STPG2: variants seen among roughly 807,000 people sequenced by gnomAD.
The protein encoded by STPG2 is sperm-tail PG-rich repeat-containing protein 2.
In STPG2, 56 loss-of-function variants were observed where a neutral mutation model predicts 54.2. The ratio of observed to expected loss-of-function variants is 1.03; its 90% CI spans 0.83 to 1.29. The LOEUF (loss-of-function observed/expected upper bound fraction) is 1.29. Ranked by LOEUF, STPG2 falls within the 50% of genes most tolerant of loss-of-function variation. STPG2 has a pLI of 0.00. For missense variants in STPG2, 596 were observed against 544.9 expected, an observed-to-expected ratio of 1.09 and a Z score of -0.93; for synonymous variants, 200 against 181.8, an observed-to-expected ratio of 1.10 and a Z score of -0.81.
At chr4:97,472,168 A>C (rs1027486999) in intron 4 of STPG2, among the ~76,000 whole-genome samples, 1 of 152,250 alleles carries the variant, frequency 6.6e-6, no homozygotes, top group African/African-American at 2.4e-5. Context: ...AACTGAAGGG[A>C]TAAATAGAAA....
chr4:98,100,576 T>G (rs771967195), intron 5 of STPG2, among the ~76,000 whole-genome samples: 1 of 151,836 alleles, frequency 6.6e-6, no homozygotes, highest in Non-Finnish European at 1.5e-5. Flanking sequence ...CTGCTGAACT[T>G]AAAGAGCCAA....
intron 9 of STPG2, among the ~76,000 whole-genome samples, chr4:97,799,770 C>A (rs1392433661): frequency 7.9e-6 from 1 of 126,922 alleles, no homozygotes; most frequent in African/African-American, 3.0e-5. Flanking sequence ...TAATATTCTG[C>A]AGAGTGTTTT....
At chr4:97,847,062 C>CT (rs1728977877) in intron 8 of STPG2, among the ~76,000 whole-genome samples, 1 of 152,244 alleles carries the variant, frequency 6.6e-6, no homozygotes, top group East Asian at 1.9e-4. Flanking sequence ...TCAATCAAAA[C>CT]TTTCAAGCAA....
intron 10 of STPG2, among the ~76,000 whole-genome samples, chr4:97,622,480 A>G (rs1048100603): frequency 2.0e-5 from 3 of 152,288 alleles, no homozygotes; most frequent in Non-Finnish European, 2.9e-5. Flanking sequence ...ACAACATATA[A>G]GCTGACAGCC....
At chr4:97,691,772 G>A (rs1306346528) in intron 10 of STPG2, among the ~76,000 whole-genome samples, 1 of 152,134 alleles carries the variant, frequency 6.6e-6, no homozygotes. Flanking sequence ...AAGGTTTAAG[G>A]ACCCTCCCTG....
intron 10 of STPG2, among the ~76,000 whole-genome samples, chr4:97,625,739 G>T (rs1010898561): frequency 6.6e-6 from 1 of 152,196 alleles, no homozygotes; most frequent in Non-Finnish European, 1.5e-5. Context: ...GTGCAAGGAA[G>T]AATCTCTAAC....
chr4:97,929,521 C>T (rs1024668252), intron 8 of STPG2, among the ~76,000 whole-genome samples: 5 of 152,188 alleles, frequency 3.3e-5, no homozygotes, highest in Non-Finnish European at 7.3e-5. Flanking sequence ...TTTTTCTCTG[C>T]AACCTCACTA....
chr4:97,948,515 A>G (rs1028910126), intron 7 of STPG2, among the ~76,000 whole-genome samples: 4 of 151,854 alleles, frequency 2.6e-5, no homozygotes, highest in African/African-American at 9.7e-5. Flanking sequence ...TTAGGTTGTC[A>G]GTTTGTGGTC....
chr4:97,707,214 A>C (rs1560729496), intron 10 of STPG2, among the ~76,000 whole-genome samples: 1 of 152,138 alleles, frequency 6.6e-6, no homozygotes, highest in African/African-American at 2.4e-5. Context: ...AAAATGTCTG[A>C]AGGCATTAAC....
At chr4:97,651,700 T>C (rs538990715) in intron 10 of STPG2, among the ~76,000 whole-genome samples, 83 of 151,976 alleles carry the variant, frequency 5.5e-4, no homozygotes, top group African/African-American at 1.9e-3. Context: ...GCAAAGAAGA[T>C]AGGAGATGGT....
intron 10 of STPG2, among the ~76,000 whole-genome samples, chr4:97,606,668 A>G (rs1234009908): frequency 6.6e-6 from 1 of 151,944 alleles, no homozygotes; most frequent in East Asian, 1.9e-4. Flanking sequence ...GTTATTTTGT[A>G]TATATTGTAA....
intron 9 of STPG2, among the ~76,000 whole-genome samples, chr4:97,734,385 C>T (rs970937673): frequency 1.3e-5 from 2 of 151,952 alleles, no homozygotes; most frequent in Admixed American, 6.6e-5. Flanking sequence ...AGCCAGGTAC[C>T]CATTAGTAAT....
intron 9 of STPG2, among the ~76,000 whole-genome samples, chr4:97,836,409 C>T (rs1184692204): frequency 2.0e-5 from 3 of 151,948 alleles, no homozygotes; most frequent in East Asian, 1.9e-4. Flanking sequence ...AAGCCATTTA[C>T]GTTGTTTTAT....
intron 9 of STPG2, among the ~76,000 whole-genome samples, chr4:97,825,322 T>C (rs1019040152): frequency 6.6e-6 from 1 of 152,202 alleles, no homozygotes; most frequent in Non-Finnish European, 1.5e-5. Context: ...AGCTTTGGTG[T>C]GTAATAACTA....
chr4:97,819,702 T>C (rs932118334), intron 9 of STPG2, among the ~76,000 whole-genome samples: 2 of 152,080 alleles, frequency 1.3e-5, no homozygotes, highest in African/African-American at 4.8e-5. Flanking sequence ...TATTTTAACA[T>C]TTAAATATTT....
At chr4:97,633,721 A>C (rs1483488855) in intron 10 of STPG2, 1 of 153,462 alleles carries the variant, frequency 6.5e-6, no homozygotes, top group Non-Finnish European at 1.4e-5. Context: ...TAATCAAAGA[A>C]AGGGGTGACG....
intron 8 of STPG2, among the ~76,000 whole-genome samples, chr4:97,864,552 G>A (rs1729688035): frequency 6.6e-6 from 1 of 151,994 alleles, no homozygotes; most frequent in South Asian, 2.1e-4. Flanking sequence ...TCCCCATCAA[G>A]CTACCAATGA....
chr4:97,701,079 A>G (rs1007365958), intron 10 of STPG2, among the ~76,000 whole-genome samples: 1 of 152,158 alleles, frequency 6.6e-6, no homozygotes, highest in East Asian at 1.9e-4. Context: ...AATCTCTGCA[A>G]TCCCTCCAGG....
chr4:97,684,650 T>C lies in STPG2; in HGVS notation c.1320+28049A>G, dbSNP rs780614392. 4.7e-4 allele frequency among the ~76,000 whole-genome samples: 71 copies of C among 151,930 alleles called. No homozygotes were observed. The Middle Eastern group carries it at 0.01, about 22-fold the overall frequency. On this transcript the variant is annotated intron_variant, in intron 10 of 10. Transcript: ENST00000295268. The stretch of plus-strand genomic sequence containing the variant: ...ACAAAACCATACAACGTTTAAATAA[T>C]AATATAGGAGAAAGTCTAGGAGCAA...
Sources: allele counts gnomAD v4.1 joint callset (sites outside exome capture counted in the v4.1 genomes callset), GRCh38; gene constraint gnomAD v4.1.1; transcripts MANE v1.5; gene names NCBI Gene and HGNC (gene_info 2026-07-23, HGNC 2026-07-21).